The following JOSD1 variants were observed in gnomAD, a reference collection of about 807,000 sequenced individuals.
JOSD1 encodes the protein Josephin domain containing 1.
JOSD1 carries 11 observed loss-of-function variants against 24.3 expected under a neutral mutation model. The ratio of observed to expected loss-of-function variants is 0.45; its 90% CI spans 0.29 to 0.75. JOSD1 has a LOEUF of 0.75. Ranked by LOEUF, JOSD1 falls within the 30% of genes least tolerant of loss-of-function variation. The pLI is 0.11. For synonymous variants in JOSD1, 106 were observed against 93.8 expected (o/e 1.13, Z -0.75); for missense variants, 184 against 253.5 (o/e 0.73, Z 1.86).
At position 38,700,941 on chromosome 22, in the gene JOSD1, G is replaced by C; in HGVS notation, c.-773C>G. 2.0e-6 allele frequency: 2 copies of C among 984,768 alleles called. No individual in the cohort carries two copies. Among genetic ancestry groups the C allele is most frequent in the Non-Finnish European group, 2.4e-6 (2 of 829,730 alleles). 61.0% of individuals were successfully genotyped at this position (984,768 alleles called of 1,614,324 possible). On this transcript the variant is annotated 5_prime_UTR_variant, in exon 1 of 5. Transcript: ENST00000683374. The stretch of plus-strand genomic sequence containing the variant: ...CCACCTGGAGTGCGCGCCGCCAACT[G>C]GGCCGTGCGGGCGGGCGCGCGCACC...
Position 38,691,576 on chromosome 22 carries a change from T to C in JOSD1, c.186-2152A>G, listed in dbSNP as rs149981499. Among the ~76,000 whole-genome samples, 301 of 152,330 alleles carry C rather than the reference T, an allele frequency of 2.0e-3. 1 individual carries two copies. Among genetic ancestry groups the C allele is most frequent in the African/African-American group, 7.0e-3 (292 of 41,568 alleles). On this transcript the variant is annotated intron_variant, in intron 2 of 4. Coordinates refer to ENST00000683374, the MANE Select transcript of JOSD1 (RefSeq NM_001360236.2). The stretch of plus-strand genomic sequence containing the variant: ...AAAAACAAAGCTCTTTTTCTCACTG[T>C]GCACTCATGCACTCACTGTTCCCGC...
Position 38,687,835 on chromosome 22 carries a change from T to C in JOSD1, c.*67A>G. Reference sequence around the variant, plus strand: ...GGGGAAGTGGCAAGGGCAGACCCACTGTAGAGGCCACAGCACGTCACAGAG... The same window carrying C: ...GGGGAAGTGGCAAGGGCAGACCCACCGTAGAGGCCACAGCACGTCACAGAG... On this transcript the variant is annotated 3_prime_UTR_variant, in exon 5 of 5. Transcript: ENST00000683374. 9.1e-7 allele frequency: 1 copy of C among 1,097,212 alleles called. No homozygotes were observed. Among genetic ancestry groups the C allele is most frequent in the Non-Finnish European group, 1.4e-6 (1 of 714,000 alleles). The allele number at this position is 1,097,212 out of a possible 1,614,324, so 68.0% of individuals were successfully genotyped here.
At chr22:38,701,101 C>G, upstream of JOSD1, 1 of 536,700 alleles carries the variant, frequency 1.9e-6, no homozygotes, top group African/African-American at 2.0e-5. Flanking sequence ...GAGCCGCAGA[C>G]GCCGGGCGTG....
chr22:38,700,274 C>T lies in JOSD1; in HGVS notation c.-287G>A, dbSNP rs2092562810. 7 of 1,078,676 alleles carry T rather than the reference C, an allele frequency of 6.5e-6. No homozygotes were observed. The highest frequency in any genetic ancestry group is 7.9e-6 in the Non-Finnish European group (7 of 888,884). 66.8% of individuals were successfully genotyped at this position (1,078,676 alleles called of 1,614,324 possible). ...ACACATAAAATGTAAGACCTTGTTT[C>T]CGTTTCCCCACCCTTCCCTCCCACC... On this transcript the variant is annotated 5_prime_UTR_variant, in exon 2 of 5. Coordinates refer to ENST00000683374, the MANE Select transcript of JOSD1 (RefSeq NM_001360236.2).
At chr22:38,698,354 T>C in intron 2 of JOSD1, among the ~76,000 whole-genome samples, 1 of 152,184 alleles carries the variant, frequency 6.6e-6, no homozygotes, top group East Asian at 1.9e-4. Context: ...AAATAATTAC[T>C]CTCATTATAG....
At chr22:38,698,216 C>T (rs990106473) in intron 2 of JOSD1, among the ~76,000 whole-genome samples, 18 of 152,120 alleles carry the variant, frequency 1.2e-4, no homozygotes, top group Admixed American at 3.3e-4. Flanking sequence ...TGATCTGAGA[C>T]GAATTATTTT....
intron 2 of JOSD1, among the ~76,000 whole-genome samples, chr22:38,694,855 C>G (rs916058385): frequency 8.1e-6 from 1 of 122,932 alleles, no homozygotes; most frequent in Non-Finnish European, 1.6e-5. Context: ...GAGCGAGAGA[C>G]TCAGTCTCAA....
At chr22:38,694,844 AGAGC>A (rs2092537926) in intron 2 of JOSD1, among the ~76,000 whole-genome samples, 1 of 145,594 alleles carries the variant, frequency 6.9e-6, no homozygotes, top group African/African-American at 2.6e-5. Flanking sequence ...CCTGGACAAG[AGAGC>A]GAGAGACTCA....
intron 2 of JOSD1, among the ~76,000 whole-genome samples, chr22:38,693,532 T>C (rs745778991): frequency 2.0e-5 from 3 of 152,242 alleles, no homozygotes; most frequent in African/African-American, 7.2e-5. Context: ...CTGGCCCCAC[T>C]TGGCCAGCTA....
intron 2 of JOSD1, among the ~76,000 whole-genome samples, chr22:38,697,458 G>T (rs1313594935): frequency 2.0e-5 from 3 of 152,194 alleles, no homozygotes; most frequent in African/African-American, 7.2e-5. Flanking sequence ...GTTCCATGTG[G>T]GCATTTAGCA....
intron 4 of JOSD1, among the ~76,000 whole-genome samples, chr22:38,688,685 A>G (rs1217357997): frequency 6.6e-6 from 1 of 152,180 alleles, no homozygotes; most frequent in Non-Finnish European, 1.5e-5. Context: ...AGAACGTTAC[A>G]ATGCCAGCCC....
At chr22:38,697,641 G>A (rs1011025575) in intron 2 of JOSD1, among the ~76,000 whole-genome samples, 1 of 152,254 alleles carries the variant, frequency 6.6e-6, no homozygotes, top group Non-Finnish European at 1.5e-5. Flanking sequence ...ACAGGAGAGC[G>A]GTTAGCGGGG....
intron 2 of JOSD1, among the ~76,000 whole-genome samples, chr22:38,698,784 G>A (rs949602725): frequency 4.0e-5 from 6 of 151,668 alleles, no homozygotes; most frequent in East Asian, 1.9e-4. Flanking sequence ...TTGTTTTTCC[G>A]AGACCCGTCA....
intron 2 of JOSD1, among the ~76,000 whole-genome samples, chr22:38,689,953 T>G (rs1016922016): frequency 6.8e-6 from 1 of 146,374 alleles, no homozygotes; most frequent in African/African-American, 2.5e-5. Context: ...TGTGTAGTAC[T>G]TGAATAAATT....
chr22:38,696,899 C>T (rs115149506), intron 2 of JOSD1, among the ~76,000 whole-genome samples: 203 of 152,320 alleles, frequency 1.3e-3, no homozygotes, highest in African/African-American at 4.4e-3. Flanking sequence ...GGATGAACTT[C>T]CTCTCAACAA....
intron 2 of JOSD1, among the ~76,000 whole-genome samples, chr22:38,693,297 C>G (rs2092531193): frequency 6.6e-6 from 1 of 152,142 alleles, no homozygotes; most frequent in Admixed American, 6.5e-5. Flanking sequence ...GATTCAAATC[C>G]TTTCCTATTA....
At chr22:38,698,566 T>G (rs2092554500) in intron 2 of JOSD1, among the ~76,000 whole-genome samples, 1 of 152,182 alleles carries the variant, frequency 6.6e-6, no homozygotes, top group South Asian at 2.1e-4. Flanking sequence ...ATGCACTGCT[T>G]GAAGAATGCT....
At chr22:38,698,783 C>A (rs1421167842) in intron 2 of JOSD1, among the ~76,000 whole-genome samples, 1 of 151,770 alleles carries the variant, frequency 6.6e-6, no homozygotes, top group Admixed American at 6.5e-5. Context: ...TTTGTTTTTC[C>A]GAGACCCGTC....
upstream of JOSD1, chr22:38,701,023 C>T (rs532598336): frequency 3.8e-5 from 37 of 965,024 alleles, no homozygotes; most frequent in Non-Finnish European, 3.8e-5. Flanking sequence ...CCCTCCCGCG[C>T]CGTCCTCACT....
Sources: allele counts gnomAD v4.1 joint callset (sites outside exome capture counted in the v4.1 genomes callset), GRCh38; gene constraint gnomAD v4.1.1; transcripts MANE v1.5; gene names NCBI Gene and HGNC (gene_info 2026-07-23, HGNC 2026-07-21).